LCMT1: variants seen among roughly 807,000 people sequenced by gnomAD.
LCMT1 encodes leucine carboxyl methyltransferase 1.
LCMT1 carries 32 observed loss-of-function variants against 47.7 expected under a neutral mutation model. The ratio of observed to expected loss-of-function variants is 0.67; its 90% CI spans 0.51 to 0.90. The LOEUF (loss-of-function observed/expected upper bound fraction) is 0.90, where lower values mean the gene tolerates loss of function less well. LCMT1 is among the 40% of genes least tolerant of loss of function. The probability of loss-of-function intolerance (pLI) is 0.00; values close to 1 mark genes in which losing one functional copy is unlikely to be tolerated. For missense variants in LCMT1, 375 were observed against 415.2 expected, an observed-to-expected ratio of 0.90 and a Z score of 0.84; for synonymous variants, 152 against 149.7, an observed-to-expected ratio of 1.02 and a Z score of -0.11.
Position 25,178,104 on chromosome 16 carries a change from G to A in LCMT1, c.*81G>A. ...GACCTGCAAGCTCCCTGAGCGGTGG[G>A]CGGGCCTCGTCCGCAGGTCTCATCC... On this transcript the variant is annotated 3_prime_UTR_variant, in exon 11 of 11. Coordinates refer to ENST00000399069, the MANE Select transcript of LCMT1 (RefSeq NM_016309.3). 2.2e-6 allele frequency: 3 copies of A among 1,390,544 alleles called. No homozygotes were observed. The South Asian group carries it at 3.5e-5, about 16-fold the overall frequency. 86.1% of individuals were successfully genotyped at this position (1,390,544 alleles called of 1,614,324 possible). A position where few individuals can be genotyped will look rare whatever the true frequency, so the allele number is the denominator to read the frequency against.
At chr16:25,171,655 C>T (rs1268023977) in intron 9 of LCMT1, among the ~76,000 whole-genome samples, 3 of 152,090 alleles carry the variant, frequency 2.0e-5, no homozygotes, top group African/African-American at 7.2e-5. Flanking sequence ...GGGAGGAAAA[C>T]GACGTTGTTC....
At chr16:25,134,307 C>G (rs1031618198) in intron 3 of LCMT1, among the ~76,000 whole-genome samples, 1 of 152,272 alleles carries the variant, frequency 6.6e-6, no homozygotes, top group East Asian at 1.9e-4. Context: ...ATTTCTTTGC[C>G]TCTGCATTCT....
chr16:25,159,630 T>C (rs1961360615), intron 5 of LCMT1, among the ~76,000 whole-genome samples: 1 of 152,160 alleles, frequency 6.6e-6, no homozygotes, highest in South Asian at 2.1e-4. Context: ...TTGGGTTCCC[T>C]GCTTGCCCTT....
At chr16:25,138,405 A>G (rs11074678) in intron 3 of LCMT1, among the ~76,000 whole-genome samples, 102,931 of 151,820 alleles carry the variant, frequency 0.68, 35,871 homozygotes, top group Non-Finnish European at 0.77. Flanking sequence ...GTGGCTGGAT[A>G]GCGAGGAGGG....
At chr16:25,142,488 A>G (rs981995333) in intron 4 of LCMT1, 2 of 152,214 alleles carry the variant, frequency 1.3e-5, no homozygotes, top group African/African-American at 4.8e-5. Flanking sequence ...TTGAGCTTTT[A>G]GGGAGTGCAA....
chr16:25,120,871 C>T (rs1389262935), intron 1 of LCMT1, among the ~76,000 whole-genome samples: 2 of 149,524 alleles, frequency 1.3e-5, no homozygotes, highest in South Asian at 2.1e-4. Context: ...ACCTCAGTGT[C>T]CCGAGTAGCT....
chr16:25,147,767 C>T (rs961098781), intron 4 of LCMT1: 2 of 152,016 alleles, frequency 1.3e-5, no homozygotes, highest in African/African-American at 2.4e-5. Context: ...CCACAACTCA[C>T]TGCAGCCTCA....
chr16:25,128,092 A>C (rs538083183), intron 1 of LCMT1, among the ~76,000 whole-genome samples: 2 of 152,320 alleles, frequency 1.3e-5, no homozygotes, highest in South Asian at 2.1e-4. Context: ...CTCTGGGCAC[A>C]GGCTTTTTCA....
intron 6 of LCMT1, among the ~76,000 whole-genome samples, chr16:25,162,673 T>A (rs1420773235): frequency 6.6e-6 from 1 of 152,118 alleles, no homozygotes; most frequent in African/African-American, 2.4e-5. Context: ...TGTTAGCAGT[T>A]GAAGATGCTG....
chr16:25,123,425 A>G lies in LCMT1; in HGVS notation c.114-5050A>G, dbSNP rs1022207953. ...TTTTTAGTAGAGATGGAGTTTCGCC[A>G]TGTTGGCCAGGCTGGTCTCAAAATC... On this transcript the variant is annotated intron_variant, in intron 1 of 10. Coordinates refer to ENST00000399069, the MANE Select transcript of LCMT1 (RefSeq NM_016309.3). 1.4e-4 allele frequency among the ~76,000 whole-genome samples: 22 copies of G among 151,758 alleles called. No individual in the cohort carries two copies. The South Asian group carries it at 2.5e-3, about 17-fold the overall frequency.
intron 1 of LCMT1, among the ~76,000 whole-genome samples, chr16:25,117,745 G>A (rs1959842444): frequency 6.6e-6 from 1 of 152,002 alleles, no homozygotes; most frequent in African/African-American, 2.4e-5. Context: ...CTCAGCTATT[G>A]GGAGGCTGAG....
chr16:25,162,647 A>G (rs1349964520), intron 6 of LCMT1, among the ~76,000 whole-genome samples: 1 of 152,052 alleles, frequency 6.6e-6, no homozygotes. Context: ...GAATACTAAT[A>G]GAACCCACCT....
At chr16:25,151,659 G>A in intron 5 of LCMT1, 44 bp downstream of exon 5, 6 of 1,499,970 alleles carry the variant, frequency 4.0e-6, no homozygotes, top group Non-Finnish European at 5.5e-6. Context: ...CAGTATTTTT[G>A]CTTCCCACCC....
intron 1 of LCMT1, among the ~76,000 whole-genome samples, chr16:25,120,754 T>C (rs1195790494): frequency 2.2e-5 from 3 of 137,754 alleles, no homozygotes; most frequent in Non-Finnish European, 4.6e-5. Context: ...TTTTTTTTGT[T>C]TTTTTTTTTT....
chr16:25,111,824 C>T lies in LCMT1; in HGVS notation c.-60C>T, dbSNP rs1187161482. On this transcript the variant is annotated 5_prime_UTR_variant, in exon 1 of 11. Coordinates refer to ENST00000399069, the MANE Select transcript of LCMT1 (RefSeq NM_016309.3). ...CCCTGTGGCTCGCGCCGTCCCCCGC[C>T]GCCCGTCGACCCCGCTTCCATGTCC... 3 of 1,174,030 alleles carry T rather than the reference C, an allele frequency of 2.6e-6. No individual in the cohort carries two copies. The highest frequency in any genetic ancestry group is 2.0e-5 in the Admixed American group (1 of 51,212). 72.7% of individuals were successfully genotyped at this position (1,174,030 alleles called of 1,614,324 possible). A position where few individuals can be genotyped will look rare whatever the true frequency, so the allele number is the denominator to read the frequency against.
intron 6 of LCMT1, 145 bp downstream of exon 6, chr16:25,161,349 GA>G (rs1223794393): frequency 2.1e-6 from 1 of 479,656 alleles, no homozygotes. Flanking sequence ...CTAGTTTTCT[GA>G]AAAAAATTCT....
Position 25,170,790 on chromosome 16 carries a change from G to A in LCMT1, c.869G>A (p.Arg290Gln), listed in dbSNP as rs754232551. 58 of 1,610,972 alleles carry A rather than the reference G, an allele frequency of 3.6e-5. No homozygotes were observed. Among genetic ancestry groups the A allele is most frequent in the Non-Finnish European group, 4.5e-5 (53 of 1,177,870 alleles). ...DMMELYNRLP[R>Q]AEVSRIESLE... Reference sequence around the variant, plus strand: ...ATGGAGTTGTACAACAGGTTACCTCGAGCTGAAGTGAGCAGGTATGGGGTT... The same window carrying A: ...ATGGAGTTGTACAACAGGTTACCTCAAGCTGAAGTGAGCAGGTATGGGGTT... The change falls in exon 9 of 11, where the codon CGA (arginine) becomes CAA (glutamine). Residue 290 changes from arginine (R) to glutamine (Q), a missense_variant. Coordinates refer to ENST00000399069, the MANE Select transcript of LCMT1 (RefSeq NM_016309.3).
intron 1 of LCMT1, among the ~76,000 whole-genome samples, chr16:25,119,872 T>A (rs567868154): frequency 6.6e-6 from 1 of 152,074 alleles, no homozygotes; most frequent in South Asian, 2.1e-4. Context: ...GTAAAACTTG[T>A]CTATCAGGCC....
intron 8 of LCMT1, 146 bp from the exon 9 acceptor site, chr16:25,170,568 T>C: frequency 1.7e-6 from 1 of 604,892 alleles, no homozygotes; most frequent in Non-Finnish European, 2.9e-6. Flanking sequence ...GGGTCAAGGC[T>C]GCAGTGAGCT....
Sources: allele counts gnomAD v4.1 joint callset (sites outside exome capture counted in the v4.1 genomes callset), GRCh38; gene constraint gnomAD v4.1.1; transcripts MANE v1.5; gene names NCBI Gene and HGNC (gene_info 2026-07-23, HGNC 2026-07-21).